Variants in COBL observed in about 807,000 individuals in gnomAD.
The protein encoded by COBL is cordon-bleu WH2 repeat protein.
Under a neutral mutation model 98.8 loss-of-function variants are expected in COBL, and 51 were observed. The observed-to-expected ratio is 0.52, with a 90% CI of 0.41 to 0.65. COBL has a LOEUF of 0.65. COBL is among the 30% of genes least tolerant of loss of function. The probability of loss-of-function intolerance (pLI) is 0.00; values close to 1 mark genes in which losing one functional copy is unlikely to be tolerated. For synonymous variants in COBL, 634 were observed against 651.7 expected, an observed-to-expected ratio of 0.97 and a Z score of 0.41; for missense variants, 1,617 against 1,617.5, an observed-to-expected ratio of 1.00 and a Z score of 0.01.
intron 2 of COBL, among the ~76,000 whole-genome samples, chr7:51,216,431 A>G (rs1051261136): frequency 1.3e-5 from 2 of 152,264 alleles, no homozygotes; most frequent in African/African-American, 4.8e-5. Flanking sequence ...TCAGCCTCTC[A>G]AAGTGCTGGG....
intron 6 of COBL, among the ~76,000 whole-genome samples, chr7:51,126,062 C>T (rs1259057840): frequency 1.3e-5 from 2 of 152,292 alleles, no homozygotes; most frequent in African/African-American, 4.8e-5. Flanking sequence ...AGTGTGGTGG[C>T]TCACACTGTA....
At chr7:51,207,136 TA>T (rs907206392) in intron 2 of COBL, among the ~76,000 whole-genome samples, 1 of 152,112 alleles carries the variant, frequency 6.6e-6, no homozygotes, top group African/African-American at 2.4e-5. Flanking sequence ...CTTCAGTATA[TA>T]CCATTTCTAT....
chr7:51,198,564 T>C (rs1035609273), intron 2 of COBL, among the ~76,000 whole-genome samples: 1 of 152,252 alleles, frequency 6.6e-6, no homozygotes, highest in Non-Finnish European at 1.5e-5. Context: ...AGAATGTTTC[T>C]ATTTATTTAA....
At chr7:51,059,547 G>C (rs1462156108) in intron 7 of COBL, among the ~76,000 whole-genome samples, 1 of 150,750 alleles carries the variant, frequency 6.6e-6, no homozygotes, top group South Asian at 2.1e-4. Flanking sequence ...GAATGGGAGA[G>C]AACAGGGAGA....
intron 6 of COBL, among the ~76,000 whole-genome samples, chr7:51,086,495 T>C (rs1010710143): frequency 7.9e-5 from 12 of 151,664 alleles, no homozygotes; most frequent in African/African-American, 2.4e-4. Flanking sequence ...GGGCTCATCA[T>C]AGGAATGGTG....
intron 1 of COBL, among the ~76,000 whole-genome samples, chr7:51,265,524 C>T (rs970903812): frequency 6.6e-6 from 1 of 152,208 alleles, no homozygotes; most frequent in African/African-American, 2.4e-5. Context: ...TAGAACTTAT[C>T]TCAGTTCAAA....
chr7:51,027,977 G>A lies in COBL; in HGVS notation c.3119C>T (p.Ser1040Phe). Residue 1040 changes from serine to phenylalanine, a missense_variant, in exon 10 of 13, where the codon TCT becomes TTT. Ser to Phe is a radical substitution (Grantham distance 155, BLOSUM62 -2). Around this residue, in one of 3 missense-constraint regions of COBL, gnomAD observed 1,304 missense variants for 1,282.0 expected, o/e 1.02. Coordinates refer to ENST00000265136, the MANE Select transcript of COBL (RefSeq NM_015198.5). ...QACSRELVNG[S>F]VRAPGHGEPS... ...CTCGCCGTGGCCTGGGGCGCGCACA[G>A]AGCCATTGACCAGCTCCCTGCTGCA... The A allele has an allele frequency of 1.2e-6, 2 of 1,606,230 alleles. No individual in the cohort carries two copies. The highest frequency in any genetic ancestry group is 1.7e-6 in the Non-Finnish European group (2 of 1,175,684).
intron 7 of COBL, among the ~76,000 whole-genome samples, chr7:51,049,054 C>A (rs571500342): frequency 6.6e-6 from 1 of 152,208 alleles, no homozygotes; most frequent in East Asian, 1.9e-4. Flanking sequence ...AAAACTTTTC[C>A]TCTAATATAT....
intron 1 of COBL, among the ~76,000 whole-genome samples, chr7:51,235,985 C>T (rs1272762511): frequency 1.3e-5 from 2 of 152,128 alleles, no homozygotes; most frequent in African/African-American, 2.4e-5. Flanking sequence ...ACAGAAACCC[C>T]GACATCCCCT....
intron 8 of COBL, among the ~76,000 whole-genome samples, chr7:51,041,200 T>C (rs1402174260): frequency 2.0e-5 from 3 of 152,208 alleles, no homozygotes; most frequent in Admixed American, 6.5e-5. Flanking sequence ...TGATGAAATA[T>C]AAACTTGGTC....
At chr7:51,312,111 T>C (rs1803110920) in intron 1 of COBL, among the ~76,000 whole-genome samples, 1 of 151,660 alleles carries the variant, frequency 6.6e-6, no homozygotes. Flanking sequence ...ATCACAAGGT[T>C]AGGAGTTCAA....
chr7:51,196,962 CA>C (rs796297914), intron 2 of COBL, among the ~76,000 whole-genome samples: 1,636 of 144,826 alleles, frequency 0.011, 28 homozygotes, highest in African/African-American at 0.039. Flanking sequence ...TTAATTTTTT[CA>C]AAAAAAAAAC....
chr7:51,252,810 G>A (rs191761971), intron 1 of COBL, among the ~76,000 whole-genome samples: 5 of 152,286 alleles, frequency 3.3e-5, no homozygotes, highest in African/African-American at 1.2e-4. Flanking sequence ...GTAGTAATCT[G>A]TGAGATAATA....
chr7:51,250,061 C>G (rs1341876374), intron 1 of COBL, among the ~76,000 whole-genome samples: 3 of 151,820 alleles, frequency 2.0e-5, no homozygotes, highest in Admixed American at 2.0e-4. Flanking sequence ...AAGATCGCAC[C>G]ACTGCACTCC....
intron 1 of COBL, among the ~76,000 whole-genome samples, chr7:51,244,095 GCA>G (rs1259182433): frequency 3.9e-5 from 6 of 152,316 alleles, no homozygotes; most frequent in Admixed American, 3.9e-4. Flanking sequence ...CTCCTCTCCA[GCA>G]CAGTTTTCTG....
chr7:51,253,248 A>C (rs1796900147), intron 1 of COBL, among the ~76,000 whole-genome samples: 1 of 152,082 alleles, frequency 6.6e-6, no homozygotes, highest in South Asian at 2.1e-4. Flanking sequence ...AATAAAATGC[A>C]TTATTTCTTC....
At chr7:51,225,994 AC>A (rs1794142873) in intron 1 of COBL, among the ~76,000 whole-genome samples, 1 of 152,242 alleles carries the variant, frequency 6.6e-6, no homozygotes, top group Non-Finnish European at 1.5e-5. Context: ...GCGTCTCTGT[AC>A]TTTCCCAGAC....
intron 1 of COBL, among the ~76,000 whole-genome samples, chr7:51,272,266 GT>G (rs928520143): frequency 2.0e-5 from 3 of 152,058 alleles, no homozygotes; most frequent in Non-Finnish European, 2.9e-5. Context: ...CCCACTCAAG[GT>G]ATGATTTTTT....
At chr7:51,193,661 T>G in intron 2 of COBL, 72 bp from the exon 3 acceptor site, 1 of 1,378,382 alleles carries the variant, frequency 7.3e-7, no homozygotes, top group African/African-American at 1.4e-5. Flanking sequence ...TAAATAAGGG[T>G]AGAACAAATG....
Sources: gnomAD v4.1 joint callset for allele counts (sites outside exome capture counted in the v4.1 genomes callset) on GRCh38, gnomAD v4.1.1 for gene constraint, gnomAD v4.1.1 regional missense constraint, MANE v1.5 for transcripts, NCBI Gene and HGNC (gene_info 2026-07-23, HGNC 2026-07-21) for gene names.